REDIC1: variants seen among roughly 807,000 people sequenced by gnomAD.
REDIC1 encodes HEI10 Interacting Protein 1.
the REDIC1 span, chr12:39,721,414 ATAT>A: frequency 8.4e-4 from 504 of 602,058 alleles, 1 homozygote; most frequent in Non-Finnish European, 7.0e-4. Flanking sequence ...AAACATTTTA[ATAT>A]TATTAATGTA....
the REDIC1 span, among the ~76,000 whole-genome samples, chr12:39,852,391 A>G: frequency 6.6e-6 from 1 of 152,222 alleles, no homozygotes; most frequent in Non-Finnish European, 1.5e-5. Flanking sequence ...TAACAAATGT[A>G]AAGTGCTTAC....
the REDIC1 span, among the ~76,000 whole-genome samples, chr12:39,815,666 T>C: frequency 6.6e-6 from 1 of 152,170 alleles, no homozygotes; most frequent in Non-Finnish European, 1.5e-5. Flanking sequence ...GAAAAAGCAC[T>C]GGAAAGCAGT....
chr12:39,746,434 C>G, the REDIC1 span, among the ~76,000 whole-genome samples: 1 of 152,110 alleles, frequency 6.6e-6, no homozygotes, highest in Non-Finnish European at 1.5e-5. Context: ...CCGGGAAGCT[C>G]GAACTGGGTG....
the REDIC1 span, among the ~76,000 whole-genome samples, chr12:39,880,328 C>G: frequency 6.6e-6 from 1 of 152,136 alleles, no homozygotes; most frequent in Non-Finnish European, 1.5e-5. Flanking sequence ...ACTCAAGATA[C>G]AAACATCTTA....
At chr12:39,670,383 T>G in the REDIC1 span, among the ~76,000 whole-genome samples, 1 of 152,030 alleles carries the variant, frequency 6.6e-6, no homozygotes, top group Non-Finnish European at 1.5e-5. Flanking sequence ...TTCCGATGGA[T>G]TTTTGCCATG....
chr12:39,711,769 G>GCACA, the REDIC1 span, among the ~76,000 whole-genome samples: 38 of 113,562 alleles, frequency 3.3e-4, no homozygotes, highest in Admixed American at 2.4e-3. Flanking sequence ...GTATGTGTGT[G>GCACA]TGCACATGCA....
the REDIC1 span, among the ~76,000 whole-genome samples, chr12:39,660,319 G>A: frequency 2.0e-5 from 3 of 152,072 alleles, no homozygotes; most frequent in Non-Finnish European, 2.9e-5. Flanking sequence ...CCTCAACAAA[G>A]GGAGCCTCAG....
chr12:39,784,543 T>A, the REDIC1 span, among the ~76,000 whole-genome samples: 1 of 152,182 alleles, frequency 6.6e-6, no homozygotes, highest in Non-Finnish European at 1.5e-5. Flanking sequence ...TGAAACTGGA[T>A]CCCTTCCTTA....
chr12:39,787,473 G>C, the REDIC1 span, among the ~76,000 whole-genome samples: 21 of 152,106 alleles, frequency 1.4e-4, 1 homozygote, highest in South Asian at 4.4e-3. Flanking sequence ...TCCTTTATCG[G>C]GATTTCTAGG....
At chr12:39,771,762 G>A in the REDIC1 span, among the ~76,000 whole-genome samples, 1 of 152,060 alleles carries the variant, frequency 6.6e-6, no homozygotes, top group Admixed American at 6.6e-5. Flanking sequence ...CCACCTCACT[G>A]CTCAAAAACC....
the REDIC1 span, among the ~76,000 whole-genome samples, chr12:39,685,246 A>G: frequency 6.6e-6 from 1 of 152,220 alleles, no homozygotes; most frequent in Non-Finnish European, 1.5e-5. Flanking sequence ...AAGACTGGGT[A>G]ATTTATAAAG....
chr12:39,873,624 C>T, the REDIC1 span, among the ~76,000 whole-genome samples: 2 of 152,118 alleles, frequency 1.3e-5, no homozygotes, highest in East Asian at 3.8e-4. Context: ...CAAAATAATT[C>T]TTCCATATAG....
chr12:39,762,450 C>T, the REDIC1 span, among the ~76,000 whole-genome samples: 1 of 152,050 alleles, frequency 6.6e-6, no homozygotes, highest in Admixed American at 6.6e-5. Context: ...ATAATGCCCC[C>T]CAAGGGATCT....
chr12:39,730,695 C>A, the REDIC1 span, among the ~76,000 whole-genome samples: 6 of 151,382 alleles, frequency 4.0e-5, no homozygotes, highest in East Asian at 3.9e-4. Context: ...CTGGTGTTGG[C>A]CTGTCTTGCT....
At chr12:39,752,681 G>T in the REDIC1 span, among the ~76,000 whole-genome samples, 81 of 152,218 alleles carry the variant, frequency 5.3e-4, no homozygotes, top group African/African-American at 1.8e-3. Context: ...AAAAGAACTG[G>T]ATAAACAAAG....
chr12:39,792,348 T>C, the REDIC1 span, among the ~76,000 whole-genome samples: 1 of 151,450 alleles, frequency 6.6e-6, no homozygotes, highest in Non-Finnish European at 1.5e-5. Context: ...CCAAAAGCAA[T>C]GGCAACAAAA....
chr12:39,831,196 A>C, the REDIC1 span, among the ~76,000 whole-genome samples: 6 of 152,210 alleles, frequency 3.9e-5, no homozygotes, highest in Non-Finnish European at 8.8e-5. Flanking sequence ...ATGAACAACG[A>C]CAATGTAATG....
the REDIC1 span, among the ~76,000 whole-genome samples, chr12:39,712,273 C>A: frequency 1.5e-5 from 2 of 136,788 alleles, no homozygotes; most frequent in South Asian, 4.7e-4. Flanking sequence ...TGTATATATA[C>A]ATGTATATAT....
At chr12:39,674,544 A>G in the REDIC1 span, among the ~76,000 whole-genome samples, 1 of 152,150 alleles carries the variant, frequency 6.6e-6, no homozygotes, top group African/African-American at 2.4e-5. Flanking sequence ...TGCAAACTCC[A>G]TGAGACAGCC....
Sources: gnomAD v4.1 joint callset for allele counts (sites outside exome capture counted in the v4.1 genomes callset) on GRCh38, gnomAD v4.1.1 for gene constraint, MANE v1.5 for transcripts, NCBI Gene and HGNC (gene_info 2026-07-23, HGNC 2026-07-21) for gene names.